MDGA2: variants seen among roughly 807,000 people sequenced by gnomAD.
MDGA2 encodes the protein MAM domain-containing glycosylphosphatidylinositol anchor protein 2.
A neutral mutation model predicts 117.8 loss-of-function variants in MDGA2; 40 were observed. The observed-to-expected ratio is 0.34, with a 90% CI of 0.26 to 0.44. MDGA2 has a LOEUF of 0.44. Among genes scored for constraint, MDGA2 ranks in the 20% least tolerant of loss-of-function variants. MDGA2 has a pLI of 1.00. For missense variants in MDGA2, 1,123 were observed against 1,250.6 expected (o/e 0.90, Z 1.54); for synonymous variants, 452 against 439.0 (o/e 1.03, Z -0.37).
Position 47,224,646 on chromosome 14 carries a change from C to T in MDGA2, c.421-6451G>A, listed in dbSNP as rs141057429. ...TGTACTCTGAAGGAAGATCCTTTAGCATTAAAAGAATCCTTGAGAAAAAAA... is the reference window on the plus strand; with the variant it reads ...TGTACTCTGAAGGAAGATCCTTTAGTATTAAAAGAATCCTTGAGAAAAAAA... On this transcript the variant is annotated intron_variant, in intron 2 of 16. Transcript: ENST00000399232. Among the ~76,000 whole-genome samples, 1,281 of 152,156 alleles carry T rather than the reference C, an allele frequency of 8.4e-3. 20 individuals carry two copies. Among genetic ancestry groups the T allele is most frequent in the African/African-American group, 0.029 (1,222 of 41,496 alleles).
At chr14:47,647,199 A>C (rs1215445983) in intron 1 of MDGA2, among the ~76,000 whole-genome samples, 2 of 152,204 alleles carry the variant, frequency 1.3e-5, no homozygotes, top group Non-Finnish European at 2.9e-5. Context: ...TTAATTATTC[A>C]AGCATATTTT....
chr14:47,039,117 T>C, intron 7 of MDGA2, among the ~76,000 whole-genome samples: 1 of 152,296 alleles, frequency 6.6e-6, no homozygotes, highest in African/African-American at 2.4e-5. Flanking sequence ...CTCTTAATTG[T>C]TCTTATAATT....
At chr14:47,203,135 T>C (rs1318253315) in intron 3 of MDGA2, among the ~76,000 whole-genome samples, 2 of 151,980 alleles carry the variant, frequency 1.3e-5, no homozygotes, top group African/African-American at 4.8e-5. Flanking sequence ...GTAACAGGAA[T>C]CCAGGTATTT....
intron 2 of MDGA2, among the ~76,000 whole-genome samples, chr14:47,247,306 ATTTTT>A (rs11312463): frequency 7.1e-6 from 1 of 140,370 alleles, no homozygotes; most frequent in Non-Finnish European, 1.6e-5. Context: ...ATAGTTTCAT[ATTTTT>A]TTTTTTTTTT....
intron 1 of MDGA2, among the ~76,000 whole-genome samples, chr14:47,552,432 T>C (rs772319075): frequency 6.6e-6 from 1 of 152,250 alleles, no homozygotes; most frequent in Non-Finnish European, 1.5e-5. Context: ...TGCAACTATG[T>C]CCTTTCCATT....
chr14:47,175,602 C>T (rs1884405061), intron 3 of MDGA2, among the ~76,000 whole-genome samples: 1 of 152,038 alleles, frequency 6.6e-6, no homozygotes, highest in South Asian at 2.1e-4. Context: ...TTCAACTACC[C>T]TTCATGCTAA....
At chr14:47,603,419 T>A (rs992748124) in intron 1 of MDGA2, among the ~76,000 whole-genome samples, 1 of 152,206 alleles carries the variant, frequency 6.6e-6, no homozygotes, top group Non-Finnish European at 1.5e-5. Flanking sequence ...AAATCATCAC[T>A]GTCGAAAGAC....
chr14:47,148,452 A>T (rs1883032556), intron 3 of MDGA2, among the ~76,000 whole-genome samples: 1 of 152,176 alleles, frequency 6.6e-6, no homozygotes, highest in Non-Finnish European at 1.5e-5. Context: ...TTTTCTCTGT[A>T]AGACTCAATT....
At chr14:47,663,384 C>A (rs1219540844) in intron 1 of MDGA2, among the ~76,000 whole-genome samples, 1 of 152,198 alleles carries the variant, frequency 6.6e-6, no homozygotes, top group African/African-American at 2.4e-5. Flanking sequence ...AGATACTTGA[C>A]CAATATACTT....
intron 1 of MDGA2, among the ~76,000 whole-genome samples, chr14:47,390,307 T>G (rs1034336223): frequency 6.6e-6 from 1 of 152,204 alleles, no homozygotes; most frequent in African/African-American, 2.4e-5. Flanking sequence ...CAGAATGTCT[T>G]TCTCAAAGAC....
In MDGA2 at chr14:47,674,565, A is replaced by G; in HGVS notation, c.232T>C (p.Trp78Arg). The change falls in exon 1 of 17, where the codon TGG (tryptophan) becomes CGG (arginine). Residue 78 changes from tryptophan to arginine, a missense_variant. By Grantham distance (101) the Trp-to-Arg change is moderately radical. Transcript: ENST00000399232. ...VKMDLLYGLV[W>R]LLTVLLEGIS... ...CCCTCCAGGAGGACTGTCAGCAGCC[A>G]CACGAGACCGTACAGTAAATCCATC... 6.4e-7 allele frequency: 1 copy of G among 1,551,578 alleles called. No individual in the cohort carries two copies. The highest frequency in any genetic ancestry group is 8.7e-7 in the Non-Finnish European group (1 of 1,146,894).
At chr14:47,323,913 T>C (rs1209235251) in intron 1 of MDGA2, among the ~76,000 whole-genome samples, 1 of 152,110 alleles carries the variant, frequency 6.6e-6, no homozygotes, top group Non-Finnish European at 1.5e-5. Flanking sequence ...TTGATGAATA[T>C]TTAATTGAGT....
At chr14:46,947,318 T>C (rs1321173920) in intron 9 of MDGA2, among the ~76,000 whole-genome samples, 1 of 152,162 alleles carries the variant, frequency 6.6e-6, no homozygotes, top group Non-Finnish European at 1.5e-5. Context: ...CCTGTATAAA[T>C]TATCTGCTTT....
intron 1 of MDGA2, among the ~76,000 whole-genome samples, chr14:47,563,578 G>GGTTTTTTTTTT (rs1895857035): frequency 1.8e-5 from 1 of 56,974 alleles, no homozygotes; most frequent in African/African-American, 9.5e-5. Flanking sequence ...GCTTTTTTCT[G>GGTTTTTTTTTT]TTTTTTTTTT....
intron 3 of MDGA2, among the ~76,000 whole-genome samples, chr14:47,181,429 T>G (rs551836352): frequency 1.3e-5 from 2 of 152,340 alleles, no homozygotes; most frequent in South Asian, 4.1e-4. Flanking sequence ...ATATACACCA[T>G]GGAATACTAT....
At chr14:47,297,584 A>G (rs1282840241) in intron 2 of MDGA2, among the ~76,000 whole-genome samples, 1 of 152,046 alleles carries the variant, frequency 6.6e-6, no homozygotes, top group Non-Finnish European at 1.5e-5. Context: ...GAAGCTGTAG[A>G]CATCTAGAGT....
At chr14:47,168,110 T>G (rs1029133687) in intron 3 of MDGA2, among the ~76,000 whole-genome samples, 1 of 152,162 alleles carries the variant, frequency 6.6e-6, no homozygotes. Flanking sequence ...TGGGAGTAGG[T>G]CTACATCTCT....
intron 1 of MDGA2, among the ~76,000 whole-genome samples, chr14:47,399,561 C>A (rs374999358): frequency 6.6e-6 from 1 of 152,130 alleles, no homozygotes; most frequent in Non-Finnish European, 1.5e-5. Context: ...TTCTAAAACA[C>A]CCTGCATAGC....
At chr14:47,450,088 A>G (rs940041988) in intron 1 of MDGA2, among the ~76,000 whole-genome samples, 2 of 152,104 alleles carry the variant, frequency 1.3e-5, no homozygotes, top group Admixed American at 6.6e-5. Context: ...TAACTAACAC[A>G]TGCATTACCA....
Sources: allele counts gnomAD v4.1 joint callset (sites outside exome capture counted in the v4.1 genomes callset), GRCh38; gene constraint gnomAD v4.1.1; transcripts MANE v1.5; gene names NCBI Gene and HGNC (gene_info 2026-07-23, HGNC 2026-07-21).